The following ZFYVE28 variants were observed in gnomAD, a reference collection of about 807,000 sequenced individuals.
The protein encoded by ZFYVE28 is zinc finger FYVE-type containing 28.
A neutral mutation model predicts 82.1 loss-of-function variants in ZFYVE28; 40 were observed. The observed-to-expected ratio is 0.49, with a 90% CI of 0.38 to 0.63. The LOEUF is 0.63. ZFYVE28 is among the 30% of genes least tolerant of loss of function. The pLI is 0.00. For synonymous variants in ZFYVE28, 612 were observed against 546.1 expected, an observed-to-expected ratio of 1.12 and a Z score of -1.68; for missense variants, 1,321 against 1,242.1, an observed-to-expected ratio of 1.06 and a Z score of -0.96.
chr4:2,304,608 C>T lies in ZFYVE28; in HGVS notation c.1732G>A (p.Val578Met), dbSNP rs1017601144. 3 of 1,612,272 alleles carry T rather than the reference C, an allele frequency of 1.9e-6. No individual in the cohort carries two copies. In the Admixed American group the frequency reaches 5.0e-5, roughly 27 times the overall value. ...CTGCACTTCTCCCGCAGACGCTCCA[C>T]CACGTCCTCCCTGCTGTCCCCGCAG... Reference protein sequence around the residue: ...GSCGDSREDVVERLREKCSPG... With the variant: ...GSCGDSREDVMERLREKCSPG... The change falls in exon 8 of 13, where the codon GTG (valine) becomes ATG (methionine). Residue 578 changes from valine to methionine, a missense_variant. Transcript: ENST00000290974.
chr4:2,286,283 A>G (rs1258354233), intron 8 of ZFYVE28: 1 of 152,292 alleles, frequency 6.6e-6, no homozygotes, highest in East Asian at 1.9e-4. Flanking sequence ...AATGAGACCT[A>G]AGGGACCTCA....
At chr4:2,282,185 C>T (rs933771078) in intron 8 of ZFYVE28, among the ~76,000 whole-genome samples, 30 of 152,352 alleles carry the variant, frequency 2.0e-4, no homozygotes, top group South Asian at 1.0e-3. Context: ...CAGACACTCC[C>T]GCACCGGCTG....
At chr4:2,376,485 T>A (rs141919322) in intron 1 of ZFYVE28, among the ~76,000 whole-genome samples, 1 of 150,394 alleles carries the variant, frequency 6.6e-6, no homozygotes, top group African/African-American at 2.5e-5. Flanking sequence ...AGGAAGGGGG[T>A]TTAACTGACT....
chr4:2,314,557 A>G (rs558070903), intron 7 of ZFYVE28, among the ~76,000 whole-genome samples: 1 of 152,322 alleles, frequency 6.6e-6, no homozygotes, highest in Non-Finnish European at 1.5e-5. Flanking sequence ...GTGTTATCCT[A>G]ATATTGTAAT....
intron 1 of ZFYVE28, among the ~76,000 whole-genome samples, chr4:2,361,686 G>A (rs987845530): frequency 6.6e-6 from 1 of 152,150 alleles, no homozygotes; most frequent in South Asian, 2.1e-4. Context: ...AGACCACATC[G>A]CTGGATGCCA....
intron 1 of ZFYVE28, among the ~76,000 whole-genome samples, chr4:2,378,169 C>T (rs1728358589): frequency 6.6e-6 from 1 of 152,122 alleles, no homozygotes; most frequent in South Asian, 2.1e-4. Flanking sequence ...GTGAAAACCC[C>T]ATCTCTACTA....
At chr4:2,338,498 CAGG>C (rs1401329716) in intron 4 of ZFYVE28, among the ~76,000 whole-genome samples, 1 of 152,132 alleles carries the variant, frequency 6.6e-6, no homozygotes, top group African/African-American at 2.4e-5. Flanking sequence ...GAGGCCGAGG[CAGG>C]AGAATGGCTT....
At position 2,330,142 on chromosome 4, in the gene ZFYVE28, G is replaced by A. The variant is rs74690229; in HGVS notation, c.701+5563C>T. 486 of 419,152 alleles carry A rather than the reference G, an allele frequency of 1.2e-3. 15 individuals carry two copies. The East Asian group carries it at 0.062, about 53-fold the overall frequency. The allele number at this position is 419,152 out of a possible 1,614,324, so 26.0% of individuals were successfully genotyped here. ...AGGATAATAGGGGGTGGAGGTGACC[G>A]CTCAGGAGTAAGAGACATCTTTGTG... On this transcript the variant is annotated intron_variant, in intron 6 of 12. Coordinates refer to ENST00000290974, the MANE Select transcript of ZFYVE28 (RefSeq NM_020972.3).
chr4:2,384,509 GA>G (rs1729048240), intron 1 of ZFYVE28, among the ~76,000 whole-genome samples: 1 of 152,178 alleles, frequency 6.6e-6, no homozygotes, highest in African/African-American at 2.4e-5. Context: ...TTGGGAGCAG[GA>G]GTGAGTTTAA....
chr4:2,339,690 G>A lies in ZFYVE28; in HGVS notation c.319-35C>T, dbSNP rs770189079. On this transcript the variant is annotated intron_variant, in intron 3 of 12. Coordinates refer to ENST00000290974, the MANE Select transcript of ZFYVE28 (RefSeq NM_020972.3). The surrounding 1 kb of genome is among the most constrained non-coding windows in gnomAD (Gnocchi z 5.0). ...GGGACACACTCAGGGAGGGGCCCGG[G>A]TGAGGGCCAGGCTCTCAGGGGTCGC... The A allele has an allele frequency of 1.7e-5, 27 of 1,551,540 alleles. 1 individual carries two copies. In the East Asian group the frequency reaches 5.7e-4, roughly 33 times the overall value.
At chr4:2,279,483 A>G (rs1711604591) in intron 8 of ZFYVE28, among the ~76,000 whole-genome samples, 1 of 152,182 alleles carries the variant, frequency 6.6e-6, no homozygotes, top group South Asian at 2.1e-4. Flanking sequence ...AGCCAGTCAC[A>G]AAAGATCACA....
At chr4:2,317,641 T>TC (rs1718427255) in intron 7 of ZFYVE28, among the ~76,000 whole-genome samples, 1 of 148,384 alleles carries the variant, frequency 6.7e-6, no homozygotes, top group Non-Finnish European at 1.5e-5. Context: ...TGTTTGATTG[T>TC]TTTTTTTTTG....
intron 1 of ZFYVE28, among the ~76,000 whole-genome samples, chr4:2,368,211 C>CAAAAAAAAAAAAAAAAAA (rs34092714): frequency 2.1e-4 from 18 of 86,166 alleles, no homozygotes; most frequent in South Asian, 1.4e-3. Context: ...CACATCTCTA[C>CAAAAAAAAAAAAAAAAAA]AAAAAAAAAA....
chr4:2,376,230 T>G (rs1468841804), intron 1 of ZFYVE28, among the ~76,000 whole-genome samples: 1 of 150,046 alleles, frequency 6.7e-6, no homozygotes, highest in African/African-American at 2.5e-5. Context: ...TTTTTTTTAA[T>G]GTGGCTACTA....
At chr4:2,334,078 G>T (rs1284253321) in intron 6 of ZFYVE28, among the ~76,000 whole-genome samples, 1 of 152,144 alleles carries the variant, frequency 6.6e-6, no homozygotes. Context: ...TGAGTCTAAC[G>T]GCAGGAGGAT....
intron 9 of ZFYVE28, 45 bp downstream of exon 9, chr4:2,274,017 G>C: frequency 1.7e-5 from 27 of 1,603,222 alleles, no homozygotes; most frequent in Non-Finnish European, 2.3e-5. Context: ...AGCGCAGCCC[G>C]TGTGTCCTCA....
At chr4:2,327,962 TG>T (rs2108844087) in intron 6 of ZFYVE28, among the ~76,000 whole-genome samples, 1 of 152,320 alleles carries the variant, frequency 6.6e-6, no homozygotes, top group South Asian at 2.1e-4. Context: ...TTGGTAGGAA[TG>T]TAAATTGGTA....
chr4:2,357,974 G>A (rs1002964335), intron 1 of ZFYVE28, among the ~76,000 whole-genome samples: 2 of 152,182 alleles, frequency 1.3e-5, no homozygotes, highest in Non-Finnish European at 2.9e-5. Context: ...CAACGCAGGT[G>A]CATGAAAGGC....
chr4:2,301,766 A>G (rs55946212), intron 8 of ZFYVE28, among the ~76,000 whole-genome samples: 1 of 152,312 alleles, frequency 6.6e-6, no homozygotes, highest in Non-Finnish European at 1.5e-5. Flanking sequence ...CTCGGAGAAA[A>G]ACGATCCATT....
Sources: gnomAD v4.1 joint callset for allele counts (sites outside exome capture counted in the v4.1 genomes callset) on GRCh38, gnomAD v4.1.1 for gene constraint, Gnocchi (gnomAD v3.1) non-coding constraint, MANE v1.5 for transcripts, NCBI Gene and HGNC (gene_info 2026-07-23, HGNC 2026-07-21) for gene names.